Variants in SLC38A12 observed in about 807,000 individuals in gnomAD.
SLC38A12 encodes solute carrier family 38 member 12.
At chr17:74,799,467 G>A in the SLC38A12 span, among the ~76,000 whole-genome samples, 1 of 152,220 alleles carries the variant, frequency 6.6e-6, no homozygotes, top group African/African-American at 2.4e-5. Context: ...CCACCTCCGG[G>A]GCACAGGTGA....
the SLC38A12 span, chr17:74,790,197 C>CAGG: frequency 6.2e-7 from 1 of 1,612,750 alleles, no homozygotes; most frequent in South Asian, 1.1e-5. Flanking sequence ...TACTGGCTCC[C>CAGG]AGGAGGAGGA....
chr17:74,785,752 G>A, the SLC38A12 span: 16 of 1,163,450 alleles, frequency 1.4e-5, no homozygotes, highest in South Asian at 2.6e-4. Flanking sequence ...AGGGTATTCA[G>A]AGAGGGGAAA....
chr17:74,827,122 C>T, the SLC38A12 span, among the ~76,000 whole-genome samples: 5 of 152,000 alleles, frequency 3.3e-5, no homozygotes, highest in Non-Finnish European at 5.9e-5. The surrounding 1 kb of genome is among the most constrained non-coding windows in gnomAD (Gnocchi z 4.7). Context: ...GATGAGAACT[C>T]AGCACTGACA....
the SLC38A12 span, chr17:74,835,818 G>A: frequency 1.3e-6 from 2 of 1,498,152 alleles, no homozygotes; most frequent in Admixed American, 2.3e-5. Context: ...TGCATTTAAT[G>A]ACTCTTTCTC....
At chr17:74,793,142 C>T in the SLC38A12 span, among the ~76,000 whole-genome samples, 1 of 152,168 alleles carries the variant, frequency 6.6e-6, no homozygotes, top group Non-Finnish European at 1.5e-5. Flanking sequence ...TGTCTGAGAC[C>T]AGCCTCACAC....
At chr17:74,825,116 G>C in the SLC38A12 span, among the ~76,000 whole-genome samples, 5 of 152,282 alleles carry the variant, frequency 3.3e-5, no homozygotes, top group Non-Finnish European at 7.4e-5. Flanking sequence ...GTGCCTCTCA[G>C]AGGTCCCAGA....
At chr17:74,825,742 C>A in the SLC38A12 span, among the ~76,000 whole-genome samples, 1 of 152,234 alleles carries the variant, frequency 6.6e-6, no homozygotes, top group African/African-American at 2.4e-5. Flanking sequence ...CCAGATCACT[C>A]GTGGTTGTGG....
At chr17:74,836,856 C>G in the SLC38A12 span, 16 of 1,409,340 alleles carry the variant, frequency 1.1e-5, no homozygotes, top group Middle Eastern at 2.5e-4. This position sits in a 1 kb window ranked among gnomAD's most constrained non-coding sequence, Gnocchi z 4.2. Flanking sequence ...CACCTTCCAC[C>G]CAGTCTGCAC....
the SLC38A12 span, among the ~76,000 whole-genome samples, chr17:74,801,460 A>G: frequency 6.6e-6 from 1 of 152,082 alleles, no homozygotes; most frequent in Non-Finnish European, 1.5e-5. Flanking sequence ...TTTGTCCCAC[A>G]TATGCTGAGC....
the SLC38A12 span, among the ~76,000 whole-genome samples, chr17:74,833,394 A>C: frequency 1.3e-5 from 2 of 152,194 alleles, no homozygotes; most frequent in African/African-American, 4.8e-5. Flanking sequence ...TTCCCAAGAC[A>C]GCTGCTCTGG....
At chr17:74,805,342 C>T in the SLC38A12 span, among the ~76,000 whole-genome samples, 1 of 152,228 alleles carries the variant, frequency 6.6e-6, no homozygotes, top group Admixed American at 6.5e-5. The surrounding 1 kb of genome is among the most constrained non-coding windows in gnomAD (Gnocchi z 5.0). Flanking sequence ...AGGGGCTGTG[C>T]GTGCCCACTG....
the SLC38A12 span, among the ~76,000 whole-genome samples, chr17:74,801,090 G>C: frequency 6.6e-6 from 1 of 152,206 alleles, no homozygotes; most frequent in East Asian, 1.9e-4. Context: ...CAGGGTCGGG[G>C]ACATCCAAGT....
the SLC38A12 span, chr17:74,838,253 G>A: frequency 1.0e-6 from 1 of 985,760 alleles, no homozygotes; most frequent in Non-Finnish European, 1.2e-6. Context: ...CCATCCACGG[G>A]AAAAACAAAT....
the SLC38A12 span, among the ~76,000 whole-genome samples, chr17:74,824,771 G>T: frequency 7.2e-5 from 11 of 152,108 alleles, no homozygotes; most frequent in Non-Finnish European, 1.2e-4. Flanking sequence ...TCCTCTTCAG[G>T]CGTTTGTGGA....
At chr17:74,817,243 G>A in the SLC38A12 span, among the ~76,000 whole-genome samples, 2 of 152,180 alleles carry the variant, frequency 1.3e-5, no homozygotes, top group Admixed American at 6.5e-5. Context: ...TGGAAGGGCT[G>A]CTGTTTGGCA....
chr17:74,795,719 C>A, the SLC38A12 span: 8 of 1,051,788 alleles, frequency 7.6e-6, no homozygotes, highest in South Asian at 1.4e-5. Context: ...CAGGTAGAAT[C>A]CTTTCCCCAG....
At chr17:74,817,424 C>G in the SLC38A12 span, among the ~76,000 whole-genome samples, 1 of 152,188 alleles carries the variant, frequency 6.6e-6, no homozygotes, top group Non-Finnish European at 1.5e-5. Context: ...TTGCCAGTTC[C>G]CATGCTGAGT....
the SLC38A12 span, chr17:74,790,108 C>T: frequency 5.7e-6 from 6 of 1,045,730 alleles, no homozygotes; most frequent in Non-Finnish European, 8.8e-6. Flanking sequence ...CACATGACAC[C>T]ACACCTGGCT....
the SLC38A12 span, among the ~76,000 whole-genome samples, chr17:74,807,455 A>G: frequency 6.6e-6 from 1 of 152,222 alleles, no homozygotes; most frequent in Non-Finnish European, 1.5e-5. Flanking sequence ...GCTTTGGCAC[A>G]CAACCCTCCC....
Sources: allele counts gnomAD v4.1 joint callset (sites outside exome capture counted in the v4.1 genomes callset), GRCh38; gene constraint gnomAD v4.1.1; non-coding constraint Gnocchi (gnomAD v3.1); transcripts MANE v1.5; gene names NCBI Gene and HGNC (gene_info 2026-07-23, HGNC 2026-07-21).